Variants in SCARB2 observed in about 807,000 individuals in gnomAD.
The protein encoded by SCARB2 is lysosome membrane protein 2.
Under a neutral mutation model 58.6 loss-of-function variants are expected in SCARB2, and 29 were observed. That is an observed-to-expected ratio of 0.49 (90% CI 0.37 to 0.67). The LOEUF (loss-of-function observed/expected upper bound fraction) is 0.67. Among genes scored for constraint, SCARB2 ranks in the 30% least tolerant of loss-of-function variants. SCARB2 has a pLI of 0.00. For synonymous variants in SCARB2, 195 were observed against 210.1 expected (o/e 0.93, Z 0.62); for missense variants, 488 against 578.5 (o/e 0.84, Z 1.60).
chr4:76,217,750 G>A (rs1195442726), upstream of SCARB2: 3 of 500,696 alleles, frequency 6.0e-6, no homozygotes, highest in Non-Finnish European at 7.2e-6. Context: ...GCTGTGGCAA[G>A]GAGATACGGT....
At chr4:76,166,437 A>G in intron 9 of SCARB2, 136 bp from the exon 10 acceptor site, 2 of 902,172 alleles carry the variant, frequency 2.2e-6, no homozygotes, top group Admixed American at 3.8e-5. Flanking sequence ...TTTCTTAGTT[A>G]TCTTTGCAAA....
chr4:76,215,512 T>C (rs1013930734), upstream of SCARB2, among the ~76,000 whole-genome samples: 7 of 152,344 alleles, frequency 4.6e-5, no homozygotes, highest in South Asian at 1.4e-3. Flanking sequence ...GGCAAATTAT[T>C]TGTTACTCCT....
rs1443524974 is a variant in SCARB2, at chr4:76,179,762, C to G, written c.424-57G>C. On this transcript the variant is annotated intron_variant, in intron 3 of 11. Transcript: ENST00000264896. ...ATCCCCTCCAAAGCACCTCCATCCA[C>G]TCTCTCCTACTACCCCATAGCAAAG... 9 of 1,249,230 alleles carry G rather than the reference C, an allele frequency of 7.2e-6. No individual in the cohort carries two copies. The Admixed American group carries it at 8.4e-5, about 12-fold the overall frequency. The allele number at this position is 1,249,230 out of a possible 1,614,324, so 77.4% of individuals were successfully genotyped here. A position where few individuals can be genotyped will look rare whatever the true frequency, so the allele number is the denominator to read the frequency against.
intron 3 of SCARB2, chr4:76,180,080 T>G: frequency 3.0e-6 from 1 of 334,988 alleles, no homozygotes; most frequent in Non-Finnish European, 5.8e-6. Flanking sequence ...CCCCTGGGAC[T>G]AGGTGGCAGG....
At chr4:76,202,374 G>A (rs1301428325) in intron 1 of SCARB2, among the ~76,000 whole-genome samples, 1 of 152,118 alleles carries the variant, frequency 6.6e-6, no homozygotes, top group African/African-American at 2.4e-5. Context: ...CGATTCTCCT[G>A]CCTCAGCCTC....
chr4:76,191,777 T>C, intron 2 of SCARB2: 1 of 144,698 alleles, frequency 6.9e-6, no homozygotes, highest in South Asian at 2.4e-4. Flanking sequence ...TCTTTCTTTC[T>C]TCTTTTTTTT....
At position 76,233,688 on chromosome 4, in the gene SCARB2, C is replaced by T. The variant is rs1733532288; in HGVS notation, c.-358+615G>A. Among the ~76,000 whole-genome samples the T allele has an allele frequency of 3.3e-5, 5 of 152,046 alleles. No homozygotes were observed. The South Asian group carries it at 1.0e-3, about 31-fold the overall frequency. ...TCCCCGGGTGGGGTTCTTTAAGAGACAGGGCTAGGAAAACATCCAGATACC... is the reference window on the plus strand; with the variant it reads ...TCCCCGGGTGGGGTTCTTTAAGAGATAGGGCTAGGAAAACATCCAGATACC... On this transcript the variant is annotated intron_variant, in intron 1 of 11. Transcript: ENST00000638295.
chr4:76,174,031 T>C (rs1168626132), intron 7 of SCARB2, 113 bp downstream of exon 7: 17 of 1,320,302 alleles, frequency 1.3e-5, no homozygotes, highest in Non-Finnish European at 1.7e-5. Context: ...TCAGCATCCT[T>C]AGTAGCTGGG....
intron 2 of SCARB2, chr4:76,193,458 G>A (rs943848290): frequency 1.3e-5 from 2 of 152,322 alleles, no homozygotes; most frequent in African/African-American, 4.8e-5. Flanking sequence ...CAGAATGGTA[G>A]AGCCACCATC....
chr4:76,184,654 T>C (rs916504890), intron 2 of SCARB2: 8 of 252,190 alleles, frequency 3.2e-5, no homozygotes, highest in Non-Finnish European at 5.4e-5. Context: ...TGGTGACATG[T>C]ACCTGTAGTG....
At chr4:76,189,815 G>A (rs1389715169) in intron 2 of SCARB2, among the ~76,000 whole-genome samples, 27 of 151,972 alleles carry the variant, frequency 1.8e-4, no homozygotes, top group African/African-American at 4.8e-5. Flanking sequence ...ATCAGATCTC[G>A]TGAGAACTAA....
intron 4 of SCARB2, 106 bp from the exon 5 acceptor site, chr4:76,176,634 G>A (rs756232480): frequency 7.7e-5 from 58 of 749,792 alleles, no homozygotes; most frequent in Non-Finnish European, 1.2e-4. Flanking sequence ...CCCAGATGGT[G>A]TGGTGAAGGT....
intron 7 of SCARB2, among the ~76,000 whole-genome samples, chr4:76,170,863 G>C (rs1732114666): frequency 6.6e-6 from 1 of 151,316 alleles, no homozygotes; most frequent in Non-Finnish European, 1.5e-5. Flanking sequence ...TATACACCCA[G>C]CCTCTAACCA....
At chr4:76,166,151 C>T in intron 10 of SCARB2, 99 bp downstream of exon 10, 3 of 1,165,980 alleles carry the variant, frequency 2.6e-6, no homozygotes, top group Non-Finnish European at 1.3e-6. Context: ...AATCTTTTGC[C>T]CTTCTGTCAT....
chr4:76,199,650 A>G (rs1410085050), intron 1 of SCARB2, among the ~76,000 whole-genome samples: 2 of 152,224 alleles, frequency 1.3e-5, no homozygotes, highest in African/African-American at 4.8e-5. Context: ...TCTAGCCCAG[A>G]GGGACAGTGA....
upstream of SCARB2, among the ~76,000 whole-genome samples, chr4:76,214,710 G>A (rs924366457): frequency 1.3e-5 from 2 of 152,210 alleles, no homozygotes; most frequent in African/African-American, 4.8e-5. Flanking sequence ...CGTTAAATGA[G>A]TGTTTCTTCT....
intron 1 of SCARB2, among the ~76,000 whole-genome samples, chr4:76,211,431 C>G (rs533620166): frequency 6.6e-6 from 1 of 152,368 alleles, no homozygotes; most frequent in African/African-American, 2.4e-5. Flanking sequence ...GACTCCAAAT[C>G]TCACGTATTT....
intron 9 of SCARB2, 76 bp downstream of exon 9, chr4:76,168,324 ACTC>A (rs1732058010): frequency 8.4e-6 from 9 of 1,070,106 alleles, no homozygotes; most frequent in East Asian, 2.4e-5. Flanking sequence ...AGTAGGCTGT[ACTC>A]CTCCTGACAT....
intron 2 of SCARB2, chr4:76,195,008 T>C (rs1732683925): frequency 6.6e-6 from 1 of 152,150 alleles, no homozygotes. Flanking sequence ...AAGTAAATTC[T>C]GGAACTGCTT....
Sources: allele counts gnomAD v4.1 joint callset (sites outside exome capture counted in the v4.1 genomes callset), GRCh38; gene constraint gnomAD v4.1.1; transcripts MANE v1.5; gene names NCBI Gene and HGNC (gene_info 2026-07-23, HGNC 2026-07-21).